Variants in SYNE2 observed in about 807,000 individuals in gnomAD.
The protein encoded by SYNE2 is nesprin-2.
In SYNE2, 431 loss-of-function variants were observed where a neutral mutation model predicts 856.3. The ratio of observed to expected loss-of-function variants is 0.50; its 90% CI spans 0.47 to 0.55. The LOEUF (loss-of-function observed/expected upper bound fraction) is 0.55, where lower values mean the gene tolerates loss of function less well. Ranked by LOEUF, SYNE2 falls within the 20% of genes least tolerant of loss-of-function variation. The pLI is 0.00. For synonymous variants in SYNE2, 2,923 were observed against 2,872.3 expected, an observed-to-expected ratio of 1.02 and a Z score of -0.56; for missense variants, 8,129 against 8,023.2, an observed-to-expected ratio of 1.01 and a Z score of -0.50.
rs199800249 is a variant in SYNE2 at position 64,221,629 on chromosome 14, C to T, written c.20115C>T (p.Asn6705=). The change falls in exon 112 of 116, where the codon AAC becomes AAT. Residue 6705 remains asparagine, a synonymous_variant. Coordinates refer to ENST00000555002, the MANE Select transcript of SYNE2 (RefSeq NM_182914.3). ...NLLLWLASAK[N]RRQKAHVTDP... ...TGCTGTGGTTAGCGAGTGCCAAGAA[C>T]CGGAGGCAGAAGGCTCATGTCACCG... is the stretch of plus-strand genomic sequence containing the variant. The T allele has an allele frequency of 1.2e-6, 2 of 1,614,124 alleles. No homozygotes were observed. Among genetic ancestry groups the T allele is most frequent in the Non-Finnish European group, 1.7e-6 (2 of 1,180,016 alleles).
At chr14:63,765,899 A>C (rs1451327572) in intron 1 of SYNE2, among the ~76,000 whole-genome samples, 1 of 152,078 alleles carries the variant, frequency 6.6e-6, no homozygotes, top group African/African-American at 2.4e-5. Context: ...CCAGCTACTC[A>C]AGAGGCTAAG....
At position 64,089,647 on chromosome 14, in the gene SYNE2, C is replaced by G; in HGVS notation, c.11744C>G (p.Ser3915Ter). The change falls in exon 59 of 116, where the codon TCA (serine) becomes TGA (stop). Residue 3915 changes from serine to a stop codon, truncating the protein, a stop_gained. Coordinates refer to ENST00000555002, the MANE Select transcript of SYNE2 (RefSeq NM_182914.3). LOFTEE classifies it high-confidence loss of function. The stretch of plus-strand genomic sequence containing the variant: ...TCAAAAATCAAAACTATCCTATTAT[C>G]AAAAGAAATATTTGATTTTTCACCT... ...RVSKIKTILL[S>*]KEIFDFSPEE... 1 of 1,602,218 alleles carries G rather than the reference C, an allele frequency of 6.2e-7. No homozygotes were observed. The highest frequency in any genetic ancestry group is 8.5e-7 in the Non-Finnish European group (1 of 1,170,046).
At chr14:64,040,943 C>T (rs186358672) in intron 45 of SYNE2, among the ~76,000 whole-genome samples, 29 of 151,748 alleles carry the variant, frequency 1.9e-4, no homozygotes, top group Non-Finnish European at 2.9e-4. Flanking sequence ...AACACCAGAG[C>T]CAAAAAGAAG....
intron 84 of SYNE2, among the ~76,000 whole-genome samples, chr14:64,150,329 C>T (rs980824292): frequency 1.1e-4 from 15 of 131,694 alleles, no homozygotes; most frequent in South Asian, 2.6e-4. Flanking sequence ...AAAGGATCCT[C>T]CCGCCTCAGC....
intron 92 of SYNE2, among the ~76,000 whole-genome samples, chr14:64,168,652 A>G (rs1046732653): frequency 1.3e-5 from 2 of 152,208 alleles, no homozygotes; most frequent in South Asian, 2.1e-4. Context: ...TGCCCAACAA[A>G]TGGGTATTAG....
intron 21 of SYNE2, among the ~76,000 whole-genome samples, chr14:63,991,515 T>TA (rs906838538): frequency 3.9e-5 from 6 of 152,080 alleles, no homozygotes; most frequent in South Asian, 2.1e-4. Context: ...TCTCTGAATG[T>TA]AAAAAAAACC....
intron 7 of SYNE2, among the ~76,000 whole-genome samples, chr14:63,950,419 G>A (rs1299983558): frequency 6.6e-6 from 1 of 152,082 alleles, no homozygotes; most frequent in Non-Finnish European, 1.5e-5. Context: ...GCCTGGCGTG[G>A]TGGCATGTGC....
At position 64,049,726 on chromosome 14, in the gene SYNE2, C is replaced by T; in HGVS notation, c.7493C>T (p.Ala2498Val). 2 of 1,614,126 alleles carry T rather than the reference C, an allele frequency of 1.2e-6. No individual in the cohort carries two copies. Among genetic ancestry groups the T allele is most frequent in the Non-Finnish European group, 1.7e-6 (2 of 1,180,018 alleles). Residue 2498 changes from alanine (A) to valine (V), a missense_variant, in exon 47 of 116, where the codon GCA (alanine) becomes GTA (valine). Ala to Val is a moderately conservative substitution (Grantham distance 64). Transcript: ENST00000555002. ...GTTCTCCACAATATAGGATATTCGG[C>T]ACAGCATTTGGACAATTTGCTTCAG... ...ALVLHNIGYS[A>V]QHLDNLLQAL... is the part of the protein sequence containing the mutation.
At chr14:64,145,286 C>T (rs1377116273) in intron 83 of SYNE2, among the ~76,000 whole-genome samples, 1 of 151,482 alleles carries the variant, frequency 6.6e-6, no homozygotes, top group African/African-American at 2.4e-5. Context: ...GCCTGTAATC[C>T]CAGCACTTTG....
intron 1 of SYNE2, among the ~76,000 whole-genome samples, chr14:63,779,630 A>G (rs1260687925): frequency 6.6e-6 from 1 of 152,094 alleles, no homozygotes; most frequent in African/African-American, 2.4e-5. Flanking sequence ...AAATAAAAGG[A>G]ACCGGGCACA....
At chr14:64,037,911 CCGGA>C (rs1221956120) in intron 45 of SYNE2, among the ~76,000 whole-genome samples, 96 of 151,734 alleles carry the variant, frequency 6.3e-4, no homozygotes, top group Non-Finnish European at 1.2e-3. Flanking sequence ...AACCTCCCTC[CCGGA>C]CCGGGCGGCT....
chr14:63,767,111 CTT>C (rs11374988), intron 1 of SYNE2, among the ~76,000 whole-genome samples: 4 of 144,178 alleles, frequency 2.8e-5, no homozygotes, highest in African/African-American at 2.5e-5. Context: ...TTTTTTTTAT[CTT>C]TTTTTTTTTT....
chr14:64,143,074 G>T (rs1227573088), intron 82 of SYNE2, among the ~76,000 whole-genome samples: 1 of 152,158 alleles, frequency 6.6e-6, no homozygotes, highest in East Asian at 1.9e-4. Flanking sequence ...CCTAACTTCA[G>T]TGTGTAGTAA....
In SYNE2 at chr14:63,949,956, A is replaced by C; in HGVS notation, c.540A>C (p.Gln180His). ...KKCSKVQARW[Q>H]MSARKALLLW... ...GCTCTAAAGTGCAAGCAAGATGGCA[A>C]ATGTCTGCAAGAAAGGCCCTTCTTT... Residue 180 changes from glutamine to histidine, a missense_variant, in exon 7 of 116, where the codon CAA becomes CAC. Gln to His is a conservative substitution (Grantham distance 24). Transcript: ENST00000555002. 2 of 1,614,120 alleles carry C rather than the reference A, an allele frequency of 1.2e-6. No individual in the cohort carries two copies. The highest frequency in any genetic ancestry group is 1.1e-5 in the South Asian group (1 of 91,084).
chr14:64,159,187 T>C, intron 86 of SYNE2, 125 bp from the exon 87 acceptor site: 1 of 1,296,526 alleles, frequency 7.7e-7, no homozygotes, highest in Non-Finnish European at 1.1e-6. Flanking sequence ...ACATTCCTAA[T>C]AGTTTATCAG....
intron 12 of SYNE2, 73 bp downstream of exon 12, chr14:63,976,800 C>T: frequency 6.6e-7 from 1 of 1,514,078 alleles, no homozygotes; most frequent in Non-Finnish European, 9.2e-7. Context: ...AAGACTTTGT[C>T]CTAAAAAGAA....
Position 64,162,193 on chromosome 14 carries a change from G to A in SYNE2, c.16216G>A (p.Ala5406Thr). The A allele has an allele frequency of 6.2e-7, 1 of 1,614,260 alleles. No individual in the cohort carries two copies. The highest frequency in any genetic ancestry group is 8.5e-7 in the Non-Finnish European group (1 of 1,180,044). Residue 5406 changes from alanine (A) to threonine (T), a missense_variant, in exon 88 of 116, where the codon GCA becomes ACA. This residue lies in a region of SYNE2 where 5,410 missense variants were observed against 5,284.8 expected (regional missense o/e 1.02). Transcript: ENST00000555002. ...EAAARLKQQE[A>T]KFQQLANISM... ...TGCCGCAAGGCTGAAGCAGCAGGAAGCAAAGTTTCAACAGCTCGCAAACAT... is the reference window on the plus strand; with the variant it reads ...TGCCGCAAGGCTGAAGCAGCAGGAAACAAAGTTTCAACAGCTCGCAAACAT...
intron 49 of SYNE2, among the ~76,000 whole-genome samples, chr14:64,062,128 T>C (rs912459281): frequency 4.6e-5 from 7 of 152,182 alleles, no homozygotes; most frequent in Admixed American, 6.5e-5. Context: ...ATATCCAGCT[T>C]TATTTTAAAA....
rs375355327 is a variant in SYNE2 at position 64,026,624 on chromosome 14, A to T, written c.6298A>T (p.Ile2100Phe). The T allele has an allele frequency of 6.2e-7, 1 of 1,613,786 alleles. No individual in the cohort carries two copies. The highest frequency in any genetic ancestry group is 1.3e-5 in the African/African-American group (1 of 74,938). ...TGAAGGGGATGCCAGAATAGAGACCATCATGAAGCAGGCTGAGAGCAGCGA... is the reference window on the plus strand; with the variant it reads ...TGAAGGGGATGCCAGAATAGAGACCTTCATGAAGCAGGCTGAGAGCAGCGA... The part of the protein sequence containing the change: ...KPEGDARIET[I>F]MKQAESSEAP... Residue 2100 changes from isoleucine (I) to phenylalanine (F), a missense_variant, in exon 42 of 116, where the codon ATC (isoleucine) becomes TTC (phenylalanine). By Grantham distance (21) the Ile-to-Phe change is conservative. Transcript: ENST00000555002.
Sources: gnomAD v4.1 joint callset for allele counts (sites outside exome capture counted in the v4.1 genomes callset) on GRCh38, gnomAD v4.1.1 for gene constraint, gnomAD v4.1.1 regional missense constraint, MANE v1.5 for transcripts, NCBI Gene and HGNC (gene_info 2026-07-23, HGNC 2026-07-21) for gene names.